Variants in TNIK observed in about 807,000 individuals in gnomAD.
The protein encoded by TNIK is TRAF2 and NCK interacting kinase.
A neutral mutation model predicts 191.3 loss-of-function variants in TNIK; 49 were observed. That is an observed-to-expected ratio of 0.26 (90% confidence interval 0.20 to 0.32). The LOEUF (loss-of-function observed/expected upper bound fraction) is 0.32, where lower values mean the gene tolerates loss of function less well. Among genes scored for constraint, TNIK ranks in the 10% least tolerant of loss-of-function variants. TNIK has a pLI of 1.00. For missense variants in TNIK, 1,155 were observed against 1,702.3 expected, an observed-to-expected ratio of 0.68 and a Z score of 5.66; for synonymous variants, 594 against 600.9, an observed-to-expected ratio of 0.99 and a Z score of 0.17.
At chr3:171,232,456 G>A (rs1391279211) in intron 2 of TNIK, among the ~76,000 whole-genome samples, 1 of 152,092 alleles carries the variant, frequency 6.6e-6, no homozygotes, top group African/African-American at 2.4e-5. Context: ...TAGAGAAAAT[G>A]TCCTATCAGA....
rs368870125 is a variant in TNIK at position 171,382,109 on chromosome 3, A to G, written c.58-12424T>C. Among the ~76,000 whole-genome samples the G allele has an allele frequency of 1.7e-4, 26 of 151,482 alleles. 1 individual carries two copies. Among genetic ancestry groups the G allele is most frequent in the African/African-American group, 6.3e-4 (26 of 41,406 alleles). Reference sequence around the variant, plus strand: ...ATTTACTTTGAAGTTTACTGTTCAGATATTTTTATTCATTTATGTTTAACT... The same window carrying G: ...ATTTACTTTGAAGTTTACTGTTCAGGTATTTTTATTCATTTATGTTTAACT... On this transcript the variant is annotated intron_variant, in intron 1 of 32. Transcript: ENST00000436636.
intron 2 of TNIK, among the ~76,000 whole-genome samples, chr3:171,238,388 G>A (rs1011434247): frequency 2.0e-5 from 3 of 151,412 alleles, no homozygotes; most frequent in Admixed American, 6.6e-5. Context: ...TACATATGGA[G>A]GAGAGAGAAT....
intron 2 of TNIK, among the ~76,000 whole-genome samples, chr3:171,322,947 T>C (rs2108338908): frequency 6.6e-6 from 1 of 152,090 alleles, no homozygotes; most frequent in East Asian, 1.9e-4. Context: ...TTTTTTACAC[T>C]GGTAAGTGTT....
intron 2 of TNIK, among the ~76,000 whole-genome samples, chr3:171,357,999 G>A (rs1267023188): frequency 1.3e-5 from 2 of 152,168 alleles, no homozygotes. Flanking sequence ...GAGGGAGGTA[G>A]AGGTGCATCG....
At chr3:171,314,548 T>C (rs1754390812) in intron 2 of TNIK, among the ~76,000 whole-genome samples, 3 of 152,154 alleles carry the variant, frequency 2.0e-5, no homozygotes, top group Admixed American at 2.0e-4. Context: ...GGGAAGTAGC[T>C]GCTAAAAGAT....
chr3:171,161,703 G>C (rs989671576), intron 10 of TNIK, among the ~76,000 whole-genome samples: 6 of 151,822 alleles, frequency 4.0e-5, no homozygotes, highest in Non-Finnish European at 7.4e-5. Context: ...CGGATCACAA[G>C]GTCAGGAGAT....
intron 22 of TNIK, among the ~76,000 whole-genome samples, chr3:171,097,049 C>T (rs1399827541): frequency 6.6e-6 from 1 of 152,038 alleles, no homozygotes; most frequent in Non-Finnish European, 1.5e-5. Context: ...GGGTGGTTAT[C>T]ATAGAATAAC....
chr3:171,257,473 C>A (rs1747026427), intron 2 of TNIK, among the ~76,000 whole-genome samples: 2 of 151,962 alleles, frequency 1.3e-5, no homozygotes, highest in African/African-American at 2.4e-5. Flanking sequence ...AAATACAAAG[C>A]AGATGTTCAT....
At chr3:171,333,919 C>T (rs1756684852) in intron 2 of TNIK, among the ~76,000 whole-genome samples, 1 of 152,210 alleles carries the variant, frequency 6.6e-6, no homozygotes, top group African/African-American at 2.4e-5. Context: ...TCCTTTCCTT[C>T]CCTGGCCAAC....
At chr3:171,185,787 A>C (rs1024922965) in intron 7 of TNIK, among the ~76,000 whole-genome samples, 3 of 152,268 alleles carry the variant, frequency 2.0e-5, no homozygotes, top group Non-Finnish European at 2.9e-5. Flanking sequence ...TAATTGATAA[A>C]CAATAAATCA....
At chr3:171,145,327 C>T (rs1009009671) in intron 12 of TNIK, among the ~76,000 whole-genome samples, 18 of 152,086 alleles carry the variant, frequency 1.2e-4, no homozygotes, top group African/African-American at 4.3e-4. Flanking sequence ...ACCTCATGAT[C>T]CGCCCGCCTC....
At chr3:171,289,639 C>T (rs981872978) in intron 2 of TNIK, among the ~76,000 whole-genome samples, 4 of 152,194 alleles carry the variant, frequency 2.6e-5, no homozygotes, top group African/African-American at 9.6e-5. Flanking sequence ...CTAGGTGGCT[C>T]ATGCCTAATC....
At chr3:171,319,654 A>G (rs972110131) in intron 2 of TNIK, among the ~76,000 whole-genome samples, 1 of 152,190 alleles carries the variant, frequency 6.6e-6, no homozygotes, top group Non-Finnish European at 1.5e-5. Flanking sequence ...TGGATTTATG[A>G]GCAGTTGATT....
chr3:171,226,625 G>T (rs1013913826), intron 3 of TNIK, among the ~76,000 whole-genome samples: 5 of 151,824 alleles, frequency 3.3e-5, no homozygotes, highest in African/African-American at 9.7e-5. Context: ...TAAACTAATT[G>T]GGACTAAAAA....
At chr3:171,157,769 G>C (rs1334377563) in intron 11 of TNIK, 105 bp from the exon 12 acceptor site, 1 of 1,154,170 alleles carries the variant, frequency 8.7e-7, no homozygotes. Flanking sequence ...CCACACACAG[G>C]GAAAGAAGAG....
In TNIK at chr3:171,232,222, C is replaced by T. The variant is rs755574326; in HGVS notation, c.124-4001G>A. On this transcript the variant is annotated intron_variant, in intron 2 of 32. Transcript: ENST00000436636. ...TGTTTCAAGCTGGTGCAGTGTTGCA[C>T]GTCTGTACACCCAGCTACTTGGGAG... is the stretch of plus-strand genomic sequence containing the variant. Among the ~76,000 whole-genome samples, 8 of 151,758 alleles carry T rather than the reference C, an allele frequency of 5.3e-5. No homozygotes were observed. The East Asian group carries it at 5.8e-4, about 11-fold the overall frequency.
intron 18 of TNIK, among the ~76,000 whole-genome samples, chr3:171,118,604 G>T (rs1158070714): frequency 6.6e-6 from 1 of 152,048 alleles, no homozygotes; most frequent in African/African-American, 2.4e-5. Flanking sequence ...TAGACCAATG[G>T]AACAGAACAG....
chr3:171,207,621 T>C (rs979328260), intron 4 of TNIK, among the ~76,000 whole-genome samples: 5 of 152,324 alleles, frequency 3.3e-5, no homozygotes, highest in Admixed American at 2.0e-4. Flanking sequence ...TCCAGGGTGC[T>C]GATAATGAGC....
intron 1 of TNIK, among the ~76,000 whole-genome samples, chr3:171,406,482 T>A (rs1241634875): frequency 6.6e-6 from 1 of 152,120 alleles, no homozygotes; most frequent in Admixed American, 6.5e-5. Flanking sequence ...CAGACTGGAG[T>A]ACAGTGGCAC....
Sources: gnomAD v4.1 joint callset for allele counts (sites outside exome capture counted in the v4.1 genomes callset) on GRCh38, gnomAD v4.1.1 for gene constraint, MANE v1.5 for transcripts, NCBI Gene and HGNC (gene_info 2026-07-23, HGNC 2026-07-21) for gene names.